Variants in GRM7 observed in about 807,000 individuals in gnomAD.
GRM7 encodes the protein metabotropic glutamate receptor 7.
Under a neutral mutation model 84.5 loss-of-function variants are expected in GRM7, and 35 were observed. The ratio of observed to expected loss-of-function variants is 0.41; its 90% CI spans 0.32 to 0.55. GRM7 has a LOEUF of 0.55. Ranked by LOEUF, GRM7 falls within the 20% of genes least tolerant of loss-of-function variation. The pLI, the probability that GRM7 is intolerant of heterozygous loss-of-function variation, is 0.19. For synonymous variants in GRM7, 487 were observed against 455.1 expected (o/e 1.07, Z -0.89); for missense variants, 1,003 against 1,194.6 (o/e 0.84, Z 2.36).
At chr3:7,096,666 T>A (rs1698871995) in intron 1 of GRM7, among the ~76,000 whole-genome samples, 1 of 152,118 alleles carries the variant, frequency 6.6e-6, no homozygotes, top group Non-Finnish European at 1.5e-5. Context: ...ACAGCCCTTG[T>A]CCCCTCTGAG....
chr3:7,178,574 G>A (rs866634083), intron 2 of GRM7, among the ~76,000 whole-genome samples: 2 of 152,170 alleles, frequency 1.3e-5, no homozygotes, highest in Middle Eastern at 6.8e-3. Flanking sequence ...GAATGTGATG[G>A]CTAGATTCAA....
At chr3:7,001,572 T>A (rs1261252980) in intron 1 of GRM7, among the ~76,000 whole-genome samples, 2 of 152,054 alleles carry the variant, frequency 1.3e-5, no homozygotes, top group Non-Finnish European at 2.9e-5. Flanking sequence ...TGTTTCAGGT[T>A]TTAAAATATA....
At chr3:7,355,983 C>A (rs1325850887) in intron 4 of GRM7, among the ~76,000 whole-genome samples, 2 of 152,104 alleles carry the variant, frequency 1.3e-5, no homozygotes, top group Non-Finnish European at 2.9e-5. Context: ...AGCACTATAG[C>A]CCCTTTCTGT....
At chr3:7,379,662 G>C (rs892367357) in intron 4 of GRM7, among the ~76,000 whole-genome samples, 4 of 152,016 alleles carry the variant, frequency 2.6e-5, no homozygotes, top group Non-Finnish European at 5.9e-5. Context: ...TATAAAGAAT[G>C]CAAGTATGTT....
At chr3:7,575,227 C>T (rs891925183) in intron 7 of GRM7, among the ~76,000 whole-genome samples, 1 of 152,058 alleles carries the variant, frequency 6.6e-6, no homozygotes, top group Admixed American at 6.5e-5. Context: ...GACCAGGTAC[C>T]CCAAAACCAT....
At chr3:6,987,933 C>G (rs931669704) in intron 1 of GRM7, among the ~76,000 whole-genome samples, 5 of 151,394 alleles carry the variant, frequency 3.3e-5, no homozygotes, top group African/African-American at 1.2e-4. Context: ...TGGAGCTAGA[C>G]TCTCTGCATG....
intron 1 of GRM7, among the ~76,000 whole-genome samples, chr3:7,061,589 A>G (rs1287650907): frequency 1.3e-5 from 2 of 151,756 alleles, no homozygotes; most frequent in Admixed American, 1.3e-4. Context: ...TTTGGGAACA[A>G]CTAGGCATAT....
At chr3:7,214,484 A>G (rs1355166623) in intron 2 of GRM7, among the ~76,000 whole-genome samples, 1 of 152,188 alleles carries the variant, frequency 6.6e-6, no homozygotes, top group East Asian at 1.9e-4. Context: ...GGATTTCTGG[A>G]TAACGGAGCT....
intron 1 of GRM7, among the ~76,000 whole-genome samples, chr3:6,968,111 A>C (rs537446190): frequency 6.6e-6 from 1 of 152,228 alleles, no homozygotes. Flanking sequence ...GGAGGCCAGA[A>C]GTTCAAAATC....
intron 4 of GRM7, among the ~76,000 whole-genome samples, chr3:7,359,889 C>T (rs1418192544): frequency 6.7e-6 from 1 of 148,230 alleles, no homozygotes; most frequent in Non-Finnish European, 1.5e-5. Flanking sequence ...AATTGGGTCT[C>T]AAACAGATTG....
intron 4 of GRM7, among the ~76,000 whole-genome samples, chr3:7,354,656 G>T (rs891395628): frequency 1.3e-5 from 2 of 152,116 alleles, no homozygotes; most frequent in South Asian, 4.1e-4. Context: ...TTCCTATTTG[G>T]TCTGTGAAGA....
chr3:6,973,140 C>T (rs1464836555), intron 1 of GRM7, among the ~76,000 whole-genome samples: 1 of 152,266 alleles, frequency 6.6e-6, no homozygotes, highest in Non-Finnish European at 1.5e-5. Context: ...ATTGCATACG[C>T]AGATGTTTTG....
chr3:7,621,181 C>A (rs1380161333), intron 8 of GRM7, among the ~76,000 whole-genome samples: 1 of 152,030 alleles, frequency 6.6e-6, no homozygotes, highest in Non-Finnish European at 1.5e-5. Context: ...TGGCAGAATC[C>A]TTATAATGAC....
chr3:6,879,877 A>C (rs536165741), intron 1 of GRM7, among the ~76,000 whole-genome samples: 95 of 152,306 alleles, frequency 6.2e-4, no homozygotes, highest in Non-Finnish European at 1.1e-3. Flanking sequence ...TCCATGAGGG[A>C]CTAGGTTCTC....
chr3:7,196,965 G>T (rs1006078171), intron 2 of GRM7, among the ~76,000 whole-genome samples: 1 of 152,042 alleles, frequency 6.6e-6, no homozygotes, highest in African/African-American at 2.4e-5. Context: ...TTAATCAGGG[G>T]CAATTTGAAA....
chr3:7,186,936 G>C (rs1372067194), intron 2 of GRM7, among the ~76,000 whole-genome samples: 2 of 151,998 alleles, frequency 1.3e-5, no homozygotes, highest in Non-Finnish European at 1.5e-5. Context: ...TTAATAATTG[G>C]AGTCTGGTGT....
chr3:7,090,642 T>C (rs1698628522), intron 1 of GRM7, among the ~76,000 whole-genome samples: 2 of 152,314 alleles, frequency 1.3e-5, no homozygotes, highest in East Asian at 3.9e-4. Context: ...GTTGATAGTA[T>C]TCCTGGCCAA....
chr3:7,338,558 A>G (rs570847220), intron 4 of GRM7, among the ~76,000 whole-genome samples: 2 of 152,262 alleles, frequency 1.3e-5, no homozygotes, highest in East Asian at 3.9e-4. Flanking sequence ...TCTTACATGA[A>G]TCGTTAAGTA....
chr3:7,645,306 T>C (rs532923287), intron 8 of GRM7, among the ~76,000 whole-genome samples: 70 of 152,098 alleles, frequency 4.6e-4, no homozygotes, highest in African/African-American at 1.6e-3. Context: ...CCCAGCACTT[T>C]GGGAGGCCAA....
Sources: gnomAD v4.1 joint callset for allele counts (sites outside exome capture counted in the v4.1 genomes callset) on GRCh38, gnomAD v4.1.1 for gene constraint, MANE v1.5 for transcripts, NCBI Gene and HGNC (gene_info 2026-07-23, HGNC 2026-07-21) for gene names.